Variants in PRDM2 observed in about 807,000 individuals in gnomAD.
PRDM2 encodes PR/SET domain 2, also known as PR domain zinc finger protein 2.
A neutral mutation model predicts 130.0 loss-of-function variants in PRDM2; 30 were observed. That is an observed-to-expected ratio of 0.23 (90% CI 0.17 to 0.31). The LOEUF is 0.31. PRDM2 is among the 10% of genes least tolerant of loss of function. PRDM2 has a pLI of 1.00. For synonymous variants in PRDM2, 871 were observed against 782.4 expected (o/e 1.11, Z -1.89); for missense variants, 2,011 against 2,108.4 (o/e 0.95, Z 0.90).
At chr1:13,788,768 G>A (rs1344537929) in intron 8 of PRDM2, among the ~76,000 whole-genome samples, 3 of 152,220 alleles carry the variant, frequency 2.0e-5, no homozygotes, top group South Asian at 2.1e-4. Context: ...GAAAGAGCAC[G>A]GTCTTGGATG....
intron 8 of PRDM2, among the ~76,000 whole-genome samples, chr1:13,810,827 T>C (rs1307759662): frequency 6.6e-6 from 1 of 152,036 alleles, no homozygotes; most frequent in Non-Finnish European, 1.5e-5. Flanking sequence ...TTGTGCTCCT[T>C]AGGGACAGGC....
intron 6 of PRDM2, among the ~76,000 whole-genome samples, chr1:13,770,160 G>A (rs1237819889): frequency 6.6e-6 from 1 of 152,158 alleles, no homozygotes; most frequent in Non-Finnish European, 1.5e-5. Flanking sequence ...CCTCACAGTG[G>A]ATTGGGTTTC....
At chr1:13,822,223 T>G (rs766986161) in intron 9 of PRDM2, among the ~76,000 whole-genome samples, 1 of 152,062 alleles carries the variant, frequency 6.6e-6, no homozygotes, top group African/African-American at 2.4e-5. Context: ...TCTATGGACA[T>G]CCTACGACCC....
In PRDM2 at chr1:13,823,511, TG is replaced by T. The variant is rs1477382996; in HGVS notation, c.*377del. 5.9e-6 allele frequency: 2 copies of T among 340,002 alleles called. No homozygotes were observed. Among genetic ancestry groups the T allele is most frequent in the Non-Finnish European group, 1.1e-5 (2 of 185,296 alleles). The allele number at this position is 340,002 out of a possible 1,614,324, so 21.1% of individuals were successfully genotyped here. Reference sequence around the variant, plus strand: ...CTCCTTGACCCTGCTTTTTGCTTCTTGAGTTGTCTTTTGCCATTATGGGGAC... The same window carrying T: ...CTCCTTGACCCTGCTTTTTGCTTCTTAGTTGTCTTTTGCCATTATGGGGAC... On this transcript the variant is annotated 3_prime_UTR_variant, in exon 10 of 10. Transcript: ENST00000311066.
intron 4 of PRDM2, chr1:13,739,008 A>G (rs1303725326): frequency 6.6e-6 from 1 of 151,966 alleles, no homozygotes; most frequent in Non-Finnish European, 1.5e-5. Flanking sequence ...CTTTCATTGA[A>G]ACACTTTTTT....
At chr1:13,795,219 A>G (rs901105807) in intron 8 of PRDM2, among the ~76,000 whole-genome samples, 1 of 152,224 alleles carries the variant, frequency 6.6e-6, no homozygotes, top group African/African-American at 2.4e-5. Context: ...AACAATAATA[A>G]TGTAAGGATG....
At chr1:13,813,572 A>G (rs948935730) in intron 8 of PRDM2, among the ~76,000 whole-genome samples, 1 of 152,174 alleles carries the variant, frequency 6.6e-6, no homozygotes, top group African/African-American at 2.4e-5. Flanking sequence ...CATCCGTGAA[A>G]GGGGTATAAA....
intron 6 of PRDM2, among the ~76,000 whole-genome samples, chr1:13,753,742 G>T (rs991297419): frequency 6.6e-6 from 1 of 152,142 alleles, no homozygotes; most frequent in African/African-American, 2.4e-5. Flanking sequence ...GAGCCTTTAT[G>T]TAGAAAGAGT....
At chr1:13,744,321 T>C (rs1190901016) in intron 5 of PRDM2, among the ~76,000 whole-genome samples, 6 of 152,188 alleles carry the variant, frequency 3.9e-5, no homozygotes, top group Non-Finnish European at 7.3e-5. Context: ...AGTCCTTCTG[T>C]GTGCCTCAAT....
rs139775008 is a variant in PRDM2, at chr1:13,771,834, A to G, written c.512-1244A>G. 6.6e-6 allele frequency: 1 copy of G among 152,316 alleles called. No homozygotes were observed. The highest frequency in any genetic ancestry group is 1.9e-4 in the East Asian group (1 of 5,188). 9.4% of individuals were successfully genotyped at this position (152,316 alleles called of 1,614,324 possible). On this transcript the variant is annotated intron_variant, in intron 6 of 9. Transcript: ENST00000311066. This position sits in a 1 kb window ranked among gnomAD's most constrained non-coding sequence, Gnocchi z 4.1. The stretch of plus-strand genomic sequence containing the variant: ...AGGTTATGTCTCAAATTTTTGTCAA[A>G]ATCTGGTGGTGTTTTTTAGGATTTG...
chr1:13,802,999 C>G (rs545688924), intron 8 of PRDM2, among the ~76,000 whole-genome samples: 1 of 152,316 alleles, frequency 6.6e-6, no homozygotes, highest in East Asian at 1.9e-4. Context: ...CCCTGCTGGG[C>G]TTCTCTCACC....
chr1:13,721,426 T>G (rs964241172), intron 2 of PRDM2, among the ~76,000 whole-genome samples: 1 of 151,878 alleles, frequency 6.6e-6, no homozygotes, highest in African/African-American at 2.4e-5. Flanking sequence ...TTATAGATAA[T>G]TATAAATATG....
chr1:13,762,232 C>G (rs1036016710), intron 6 of PRDM2, among the ~76,000 whole-genome samples: 2 of 152,262 alleles, frequency 1.3e-5, no homozygotes, highest in South Asian at 4.1e-4. Flanking sequence ...CCATCTGCCT[C>G]GAATGGGATT....
At chr1:13,760,188 C>T (rs757151822) in intron 6 of PRDM2, among the ~76,000 whole-genome samples, 11 of 152,148 alleles carry the variant, frequency 7.2e-5, no homozygotes, top group Non-Finnish European at 8.8e-5. Context: ...TACTCAATTT[C>T]TGTCTGACCC....
intron 8 of PRDM2, among the ~76,000 whole-genome samples, chr1:13,801,659 A>G (rs1218276475): frequency 1.3e-5 from 2 of 152,210 alleles, no homozygotes; most frequent in Non-Finnish European, 2.9e-5. Flanking sequence ...ATTATTCCAT[A>G]ACAAACACTT....
intron 8 of PRDM2, chr1:13,788,098 T>G: frequency 1.0e-6 from 1 of 965,486 alleles, no homozygotes; most frequent in Non-Finnish European, 1.2e-6. Context: ...AGGACTGCAT[T>G]TTGTACATAA....
At chr1:13,757,535 G>T (rs1205493850) in intron 6 of PRDM2, among the ~76,000 whole-genome samples, 1 of 152,110 alleles carries the variant, frequency 6.6e-6, no homozygotes, top group African/African-American at 2.4e-5. Flanking sequence ...TTAACAGTCT[G>T]GTTGTTCCAC....
rs1645037389 is a variant in PRDM2 at position 13,803,315 on chromosome 1, C to T, written c.5037-13112C>T. Among the ~76,000 whole-genome samples, 1 of 152,194 alleles carries T rather than the reference C, an allele frequency of 6.6e-6. No homozygotes were observed. The highest frequency in any genetic ancestry group is 2.1e-4 in the South Asian group (1 of 4,824). On this transcript the variant is annotated intron_variant, in intron 8 of 9. Coordinates refer to ENST00000311066, the MANE Select transcript of PRDM2 (RefSeq NM_001393986.1). This position sits in a 1 kb window ranked among gnomAD's most constrained non-coding sequence, Gnocchi z 6.2. ...CTTTGCCATCCATTTGTTCAGGAAACGTTCTCTGAGCACCAGCCTTTGCTA... is the reference window on the plus strand; with the variant it reads ...CTTTGCCATCCATTTGTTCAGGAAATGTTCTCTGAGCACCAGCCTTTGCTA...
intron 9 of PRDM2, among the ~76,000 whole-genome samples, chr1:13,821,489 G>C (rs141566747): frequency 6.6e-6 from 1 of 150,816 alleles, no homozygotes; most frequent in South Asian, 2.1e-4. Flanking sequence ...TTGAGACAGG[G>C]TTTCACTCTG....
Sources: allele counts gnomAD v4.1 joint callset (sites outside exome capture counted in the v4.1 genomes callset), GRCh38; gene constraint gnomAD v4.1.1; non-coding constraint Gnocchi (gnomAD v3.1); transcripts MANE v1.5; gene names NCBI Gene and HGNC (gene_info 2026-07-23, HGNC 2026-07-21).